NRG3: variants seen among roughly 807,000 people sequenced by gnomAD.
The protein encoded by NRG3 is neuregulin 3.
In NRG3, 31 loss-of-function variants were observed where a neutral mutation model predicts 66.9. The observed-to-expected ratio is 0.46, with a 90% CI of 0.35 to 0.63. NRG3 has a LOEUF of 0.63. NRG3 is among the 20% of genes least tolerant of loss of function. NRG3 has a pLI of 0.00. For synonymous variants in NRG3, 393 were observed against 359.4 expected (o/e 1.09, Z -1.06); for missense variants, 910 against 878.9 (o/e 1.04, Z -0.45).
intron 1 of NRG3, among the ~76,000 whole-genome samples, chr10:82,314,347 T>C (rs2081185815): frequency 6.6e-6 from 1 of 152,104 alleles, no homozygotes; most frequent in Non-Finnish European, 1.5e-5. Flanking sequence ...ATTCATTAGC[T>C]TGGTATTGTC....
intron 4 of NRG3, among the ~76,000 whole-genome samples, chr10:82,940,474 A>G (rs769069863): frequency 1.3e-5 from 2 of 152,076 alleles, no homozygotes; most frequent in Non-Finnish European, 2.9e-5. Context: ...TTCTCCTTTT[A>G]CTAAGGACAC....
intron 1 of NRG3, among the ~76,000 whole-genome samples, chr10:82,119,789 G>C (rs1389521075): frequency 6.6e-6 from 1 of 152,114 alleles, no homozygotes; most frequent in African/African-American, 2.4e-5. Flanking sequence ...TGTTGAGAAA[G>C]AGTGAAAATA....
At chr10:82,302,366 G>C (rs1456520453) in intron 1 of NRG3, among the ~76,000 whole-genome samples, 1 of 151,990 alleles carries the variant, frequency 6.6e-6, no homozygotes, top group South Asian at 2.1e-4. Context: ...GTAATCATAC[G>C]TGTTTGTTGG....
chr10:82,801,003 G>A (rs1414286620), intron 3 of NRG3, among the ~76,000 whole-genome samples: 1 of 152,136 alleles, frequency 6.6e-6, no homozygotes, highest in Non-Finnish European at 1.5e-5. Context: ...CTTTATCAAA[G>A]GGCAAAGGCA....
At chr10:82,310,147 T>C (rs767466470) in intron 1 of NRG3, among the ~76,000 whole-genome samples, 8 of 152,168 alleles carry the variant, frequency 5.3e-5, no homozygotes, top group Non-Finnish European at 1.0e-4. Context: ...AATCTTTTCA[T>C]GTAAGAGTGA....
At chr10:82,328,620 T>G (rs1224997267) in intron 1 of NRG3, among the ~76,000 whole-genome samples, 1 of 152,180 alleles carries the variant, frequency 6.6e-6, no homozygotes, top group African/African-American at 2.4e-5. Flanking sequence ...CAATTTCTGT[T>G]AACCTCACCA....
chr10:81,925,121 A>G (rs1430832511), intron 1 of NRG3, among the ~76,000 whole-genome samples: 1 of 152,180 alleles, frequency 6.6e-6, no homozygotes, highest in East Asian at 1.9e-4. Context: ...ATTACAGGCC[A>G]TTAATTGTTA....
chr10:82,748,702 A>T (rs941290222), intron 3 of NRG3, among the ~76,000 whole-genome samples: 5 of 150,694 alleles, frequency 3.3e-5, no homozygotes, highest in African/African-American at 4.8e-5. Context: ...GACTGTTCTA[A>T]GTTTTAACAA....
At chr10:82,620,028 C>T (rs952883280) in intron 2 of NRG3, among the ~76,000 whole-genome samples, 1 of 152,202 alleles carries the variant, frequency 6.6e-6, no homozygotes, top group African/African-American at 2.4e-5. Flanking sequence ...GCCTGTCATG[C>T]TCAACCTCTT....
intron 2 of NRG3, among the ~76,000 whole-genome samples, chr10:82,633,263 G>A (rs2049968780): frequency 6.6e-6 from 1 of 152,104 alleles, no homozygotes; most frequent in Admixed American, 6.6e-5. Flanking sequence ...GTAAGTACCT[G>A]GCATAGGAAA....
intron 1 of NRG3, chr10:82,166,814 T>C: frequency 3.0e-6 from 2 of 673,044 alleles, no homozygotes; most frequent in Non-Finnish European, 2.7e-6. Flanking sequence ...GCTGACGAAT[T>C]CATACAAATT....
At chr10:82,824,029 C>T (rs190891952) in intron 3 of NRG3, among the ~76,000 whole-genome samples, 2 of 152,184 alleles carry the variant, frequency 1.3e-5, no homozygotes, top group Non-Finnish European at 2.9e-5. Context: ...AGTAGTTGCC[C>T]CTCATTCATA....
intron 1 of NRG3, among the ~76,000 whole-genome samples, chr10:82,327,336 G>A (rs539369816): frequency 6.6e-6 from 1 of 152,298 alleles, no homozygotes; most frequent in Non-Finnish European, 1.5e-5. Context: ...AGATTTTTCT[G>A]TGTGAAAACC....
intron 2 of NRG3, among the ~76,000 whole-genome samples, chr10:82,702,144 G>A (rs1379265651): frequency 6.6e-6 from 1 of 152,150 alleles, no homozygotes; most frequent in Non-Finnish European, 1.5e-5. Flanking sequence ...ACGATTGCCA[G>A]GCTGTGATGC....
intron 2 of NRG3, among the ~76,000 whole-genome samples, chr10:82,546,191 A>G (rs1009549083): frequency 3.9e-5 from 6 of 152,192 alleles, no homozygotes; most frequent in Non-Finnish European, 5.9e-5. Context: ...TTTTAAGAGA[A>G]CAGGTGCTAG....
At chr10:82,961,590 G>C (rs1168666692) in intron 6 of NRG3, among the ~76,000 whole-genome samples, 1 of 152,220 alleles carries the variant, frequency 6.6e-6, no homozygotes, top group African/African-American at 2.4e-5. Context: ...ATTTGGCAAA[G>C]TCTGAAGACA....
At chr10:82,933,802 T>A (rs1357278027) in intron 4 of NRG3, among the ~76,000 whole-genome samples, 1 of 152,216 alleles carries the variant, frequency 6.6e-6, no homozygotes, top group African/African-American at 2.4e-5. Context: ...TATTAATACA[T>A]TTTTAGCATG....
intron 2 of NRG3, among the ~76,000 whole-genome samples, chr10:82,715,743 T>C (rs986505565): frequency 6.6e-6 from 1 of 152,216 alleles, no homozygotes; most frequent in African/African-American, 2.4e-5. Flanking sequence ...ATGAACATAC[T>C]TTGTTAGTTC....
At chr10:82,127,183 A>G (rs1321215875) in intron 1 of NRG3, among the ~76,000 whole-genome samples, 1 of 152,152 alleles carries the variant, frequency 6.6e-6, no homozygotes, top group Non-Finnish European at 1.5e-5. Context: ...CTGGACAGTC[A>G]TCTCTGTTCA....
Sources: allele counts gnomAD v4.1 joint callset (sites outside exome capture counted in the v4.1 genomes callset), GRCh38; gene constraint gnomAD v4.1.1; transcripts MANE v1.5; gene names NCBI Gene and HGNC (gene_info 2026-07-23, HGNC 2026-07-21).